Variants in LRP1B observed in about 807,000 individuals in gnomAD.
LRP1B encodes the protein low-density lipoprotein receptor-related protein 1B.
Under a neutral mutation model 556.6 loss-of-function variants are expected in LRP1B, and 217 were observed. The ratio of observed to expected loss-of-function variants is 0.39; its 90% CI spans 0.35 to 0.44. The LOEUF is 0.44. Ranked by LOEUF, LRP1B falls within the 20% of genes least tolerant of loss-of-function variation. LRP1B has a pLI of 1.00. For synonymous variants in LRP1B, 2,047 were observed against 1,865.8 expected, an observed-to-expected ratio of 1.10 and a Z score of -2.50; for missense variants, 5,053 against 5,620.8, an observed-to-expected ratio of 0.90 and a Z score of 3.23.
At chr2:140,779,104 G>C (rs150729562) in intron 32 of LRP1B, among the ~76,000 whole-genome samples, 8 of 151,918 alleles carry the variant, frequency 5.3e-5, no homozygotes, top group African/African-American at 1.7e-4. Context: ...AAATGGTCCT[G>C]CAACCAAAAA....
At chr2:142,121,039 C>T (rs1449488) in intron 1 of LRP1B, among the ~76,000 whole-genome samples, 131,889 of 152,120 alleles carry the variant, frequency 0.87, 57,408 homozygotes, top group East Asian at 0.94. Flanking sequence ...AACCCTTTCC[C>T]CCAAAGATTA....
chr2:140,518,753 T>C (rs1690026127), intron 49 of LRP1B, among the ~76,000 whole-genome samples: 2 of 152,170 alleles, frequency 1.3e-5, no homozygotes. Flanking sequence ...TGTATAAGAA[T>C]GCTTGCGATT....
In LRP1B at chr2:142,024,624, T is replaced by A. The variant is rs1703446055; in HGVS notation, c.82+106024A>T. Among the ~76,000 whole-genome samples the A allele has an allele frequency of 2.7e-5, 4 of 150,836 alleles. No homozygotes were observed. The South Asian group carries it at 8.4e-4, about 32-fold the overall frequency. ...ATGTCAATAATCAGCTGAAATGTTT[T>A]TTTTTTTTTTTGTATTTGTTTTTGC... is the stretch of plus-strand genomic sequence containing the variant. On this transcript the variant is annotated intron_variant, in intron 1 of 90. Coordinates refer to ENST00000389484, the MANE Select transcript of LRP1B (RefSeq NM_018557.3).
chr2:141,343,910 C>G (rs1188922685), intron 3 of LRP1B, among the ~76,000 whole-genome samples: 2 of 152,166 alleles, frequency 1.3e-5, no homozygotes, highest in African/African-American at 2.4e-5. Flanking sequence ...CCACCTTGAC[C>G]TCACAGAATT....
chr2:140,820,449 T>G (rs78012837), intron 31 of LRP1B, among the ~76,000 whole-genome samples: 1 of 152,310 alleles, frequency 6.6e-6, no homozygotes, highest in African/African-American at 2.4e-5. Context: ...CAAGGTAAGA[T>G]TTCAACATTT....
chr2:140,850,016 AAAAGAG>A (rs1692408200), intron 29 of LRP1B, 80 bp downstream of exon 29: 1 of 865,946 alleles, frequency 1.2e-6, no homozygotes, highest in African/African-American at 1.7e-5. Flanking sequence ...AAAGTTGAAT[AAAAGAG>A]AAAGAATATA....
intron 66 of LRP1B, among the ~76,000 whole-genome samples, chr2:140,433,968 C>T (rs1686062423): frequency 1.3e-5 from 2 of 152,102 alleles, no homozygotes; most frequent in African/African-American, 2.4e-5. Flanking sequence ...TGATATGATC[C>T]ATGGGAGTGA....
chr2:141,237,803 C>T (rs1683700802), intron 5 of LRP1B, among the ~76,000 whole-genome samples: 1 of 152,110 alleles, frequency 6.6e-6, no homozygotes, highest in South Asian at 2.1e-4. Flanking sequence ...GCGGCTCTCA[C>T]AATTTCCCTG....
intron 3 of LRP1B, among the ~76,000 whole-genome samples, chr2:141,409,176 T>C (rs1265957601): frequency 6.6e-6 from 1 of 152,208 alleles, no homozygotes; most frequent in Non-Finnish European, 1.5e-5. Flanking sequence ...ATAATATTAA[T>C]ATATGCAATA....
intron 14 of LRP1B, among the ~76,000 whole-genome samples, chr2:141,008,741 A>C (rs1317422913): frequency 6.6e-6 from 1 of 151,884 alleles, no homozygotes. Flanking sequence ...CCCAGCATAG[A>C]GTGTGTTTGA....
At chr2:141,505,718 T>C (rs923339678) in intron 2 of LRP1B, among the ~76,000 whole-genome samples, 2 of 152,052 alleles carry the variant, frequency 1.3e-5, no homozygotes, top group African/African-American at 4.8e-5. Context: ...TAATATAGTT[T>C]GTATTTGTTT....
chr2:141,113,994 T>G (rs1284154265), intron 7 of LRP1B, among the ~76,000 whole-genome samples: 1 of 152,244 alleles, frequency 6.6e-6, no homozygotes, highest in African/African-American at 2.4e-5. Context: ...GGTCATTCTA[T>G]GTATGGAGCT....
chr2:142,031,127 TTA>T (rs1574613308), intron 1 of LRP1B, among the ~76,000 whole-genome samples: 1 of 151,828 alleles, frequency 6.6e-6, no homozygotes, highest in African/African-American at 2.4e-5. Flanking sequence ...CTTCTGTTTA[TTA>T]TGTTTCTGTG....
chr2:141,018,736 C>T (rs771352413), intron 12 of LRP1B, among the ~76,000 whole-genome samples: 6 of 152,112 alleles, frequency 3.9e-5, no homozygotes, highest in Non-Finnish European at 5.9e-5. Flanking sequence ...GGAACAAATA[C>T]TCTCTTCAAA....
intron 1 of LRP1B, among the ~76,000 whole-genome samples, chr2:141,913,394 A>G (rs956129965): frequency 6.6e-5 from 10 of 152,094 alleles, no homozygotes; most frequent in Admixed American, 2.6e-4. Flanking sequence ...TTCTTTTCTT[A>G]CTCTAAAAAT....
intron 35 of LRP1B, among the ~76,000 whole-genome samples, chr2:140,752,986 A>G (rs1688633625): frequency 6.6e-6 from 1 of 152,156 alleles, no homozygotes. Flanking sequence ...TATAATATCA[A>G]ACAGAGTAGT....
At chr2:141,283,076 C>A (rs1685568253) in intron 3 of LRP1B, among the ~76,000 whole-genome samples, 1 of 152,022 alleles carries the variant, frequency 6.6e-6, no homozygotes, top group Non-Finnish European at 1.5e-5. Context: ...ACCTACTGTT[C>A]AATTATTCAA....
At chr2:141,355,980 C>A (rs1386200464) in intron 3 of LRP1B, among the ~76,000 whole-genome samples, 10 of 151,970 alleles carry the variant, frequency 6.6e-5, no homozygotes, top group Admixed American at 2.6e-4. Context: ...ATTATCAGGG[C>A]CTTCCTCAGT....
At chr2:141,425,684 T>G (rs527623894) in intron 3 of LRP1B, among the ~76,000 whole-genome samples, 4,679 of 151,396 alleles carry the variant, frequency 0.031, 258 homozygotes, top group African/African-American at 0.1. Context: ...TGATGAGCAT[T>G]TTTTCATGTG....
Sources: allele counts gnomAD v4.1 joint callset (sites outside exome capture counted in the v4.1 genomes callset), GRCh38; gene constraint gnomAD v4.1.1; transcripts MANE v1.5; gene names NCBI Gene and HGNC (gene_info 2026-07-23, HGNC 2026-07-21).